Variants in ARHGAP42 observed in about 807,000 individuals in gnomAD.
ARHGAP42 encodes Rho GTPase activating protein 42, also known as rho GTPase-activating protein 42.
ARHGAP42 carries 63 observed loss-of-function variants against 125.0 expected under a neutral mutation model. The observed-to-expected ratio is 0.50, with a 90% CI of 0.41 to 0.62. ARHGAP42 has a LOEUF of 0.62. Among genes scored for constraint, ARHGAP42 ranks in the 20% least tolerant of loss-of-function variants. The probability of loss-of-function intolerance (pLI) is 0.00; values close to 1 mark genes in which losing one functional copy is unlikely to be tolerated. For missense variants in ARHGAP42, 766 were observed against 1,024.2 expected, an observed-to-expected ratio of 0.75 and a Z score of 3.44; for synonymous variants, 339 against 351.0, an observed-to-expected ratio of 0.97 and a Z score of 0.38.
intron 3 of ARHGAP42, chr11:100,840,765 T>A (rs1864927388): frequency 6.6e-6 from 1 of 152,204 alleles, no homozygotes; most frequent in East Asian, 1.9e-4. Flanking sequence ...AATTGTTTCT[T>A]AATAATATAT....
intron 3 of ARHGAP42, among the ~76,000 whole-genome samples, chr11:100,837,404 G>T (rs753269142): frequency 6.6e-6 from 1 of 151,772 alleles, no homozygotes; most frequent in African/African-American, 2.4e-5. Context: ...TTTGTTGTCC[G>T]TAAGGCTAGT....
At chr11:100,905,552 G>A (rs2135219084) in intron 4 of ARHGAP42, among the ~76,000 whole-genome samples, 1 of 152,120 alleles carries the variant, frequency 6.6e-6, no homozygotes, top group East Asian at 1.9e-4. Flanking sequence ...TATAATTATG[G>A]TTCATAGGTG....
At chr11:100,894,904 G>C (rs537528228) in intron 4 of ARHGAP42, among the ~76,000 whole-genome samples, 1 of 152,100 alleles carries the variant, frequency 6.6e-6, no homozygotes, top group Non-Finnish European at 1.5e-5. Flanking sequence ...TATGCATCTG[G>C]GGTCATTTGC....
intron 17 of ARHGAP42, among the ~76,000 whole-genome samples, chr11:100,972,050 T>G (rs182642460): frequency 6.6e-6 from 1 of 152,330 alleles, no homozygotes; most frequent in African/African-American, 2.4e-5. Context: ...AGTAAATGCT[T>G]TCTTAGCTAG....
chr11:100,978,665 A>G (rs1338619865), intron 21 of ARHGAP42, among the ~76,000 whole-genome samples: 1 of 152,210 alleles, frequency 6.6e-6, no homozygotes, highest in African/African-American at 2.4e-5. Context: ...ACAGGAGTCA[A>G]TAGCCGTGCT....
chr11:100,814,022 C>G (rs1024792932), intron 3 of ARHGAP42, among the ~76,000 whole-genome samples: 12 of 152,136 alleles, frequency 7.9e-5, no homozygotes, highest in African/African-American at 2.9e-4. Context: ...GAAATCCTGT[C>G]TGTACTAAAA....
intron 3 of ARHGAP42, among the ~76,000 whole-genome samples, chr11:100,815,708 G>A (rs1359231691): frequency 6.6e-6 from 1 of 152,148 alleles, no homozygotes; most frequent in East Asian, 1.9e-4. Context: ...GAACAGTGGA[G>A]TAGTATTAAG....
At chr11:100,695,655 T>C (rs1282782151) in intron 1 of ARHGAP42, among the ~76,000 whole-genome samples, 3 of 152,170 alleles carry the variant, frequency 2.0e-5, no homozygotes, top group Non-Finnish European at 2.9e-5. Context: ...ACTCCATTCT[T>C]TTTATCTGCA....
rs189713106 is a variant in ARHGAP42, at chr11:100,967,754, G to A, written c.1550+1978G>A. ...TTTTGAGACAGAGTCTCGCTCTGTCGCCAGGCTGGAGTGCAGTGGCGCGAT... is the reference window on the plus strand; with the variant it reads ...TTTTGAGACAGAGTCTCGCTCTGTCACCAGGCTGGAGTGCAGTGGCGCGAT... On this transcript the variant is annotated intron_variant, in intron 17 of 23. Coordinates refer to ENST00000298815, the MANE Select transcript of ARHGAP42 (RefSeq NM_152432.4). 4.6e-3 allele frequency among the ~76,000 whole-genome samples: 705 copies of A among 151,938 alleles called. 6 individuals carry two copies. Among genetic ancestry groups the A allele is most frequent in the South Asian group, 9.4e-3 (45 of 4,806 alleles).
intron 1 of ARHGAP42, among the ~76,000 whole-genome samples, chr11:100,748,187 CA>C (rs1862348897): frequency 6.6e-6 from 1 of 152,232 alleles, no homozygotes; most frequent in East Asian, 1.9e-4. Context: ...AGACCTCGTT[CA>C]GTCCATATTA....
At chr11:100,749,461 C>T (rs1299387181) in intron 1 of ARHGAP42, among the ~76,000 whole-genome samples, 3 of 151,384 alleles carry the variant, frequency 2.0e-5, no homozygotes, top group African/African-American at 2.4e-5. Flanking sequence ...AGGCTAACCC[C>T]TCAAACCAGG....
chr11:100,885,080 C>A (rs1279287300), intron 4 of ARHGAP42, among the ~76,000 whole-genome samples: 1 of 152,124 alleles, frequency 6.6e-6, no homozygotes, highest in Admixed American at 6.5e-5. Flanking sequence ...AATTTGGTCA[C>A]AGATTGGGGA....
chr11:100,716,165 A>T (rs1861657207), intron 1 of ARHGAP42, among the ~76,000 whole-genome samples: 1 of 152,192 alleles, frequency 6.6e-6, no homozygotes, highest in African/African-American at 2.4e-5. Flanking sequence ...CGTAAGCTTC[A>T]TGGGGACTTT....
chr11:100,733,671 A>C (rs597121), intron 1 of ARHGAP42, among the ~76,000 whole-genome samples: 1 of 151,702 alleles, frequency 6.6e-6, no homozygotes, highest in South Asian at 2.1e-4. Flanking sequence ...CTAAAAATAG[A>C]AAAATTTGCT....
intron 1 of ARHGAP42, among the ~76,000 whole-genome samples, chr11:100,729,265 A>G (rs910782476): frequency 5.9e-5 from 9 of 152,114 alleles, no homozygotes; most frequent in African/African-American, 2.2e-4. Flanking sequence ...CATACTGAGT[A>G]GATATAAACC....
intron 2 of ARHGAP42, among the ~76,000 whole-genome samples, chr11:100,776,037 T>C (rs1863111750): frequency 6.6e-6 from 1 of 151,952 alleles, no homozygotes; most frequent in South Asian, 2.1e-4. Flanking sequence ...TGAATGCCTG[T>C]AATCCCAGCT....
At chr11:100,856,407 G>GT (rs1453326927) in intron 3 of ARHGAP42, among the ~76,000 whole-genome samples, 2 of 152,080 alleles carry the variant, frequency 1.3e-5, no homozygotes, top group Non-Finnish European at 2.9e-5. Flanking sequence ...TGACCACTGT[G>GT]TAGGGATAAA....
At chr11:100,920,488 A>G (rs1867207481) in intron 5 of ARHGAP42, among the ~76,000 whole-genome samples, 1 of 151,990 alleles carries the variant, frequency 6.6e-6, no homozygotes, top group South Asian at 2.1e-4. Context: ...TTCTATCCCC[A>G]AATTGGTGTC....
chr11:100,773,722 A>C (rs180824894), intron 2 of ARHGAP42, among the ~76,000 whole-genome samples: 53 of 152,260 alleles, frequency 3.5e-4, no homozygotes, highest in Non-Finnish European at 6.0e-4. Context: ...GACTCTTTCC[A>C]CTTTGGCTAA....
Sources: gnomAD v4.1 joint callset for allele counts (sites outside exome capture counted in the v4.1 genomes callset) on GRCh38, gnomAD v4.1.1 for gene constraint, MANE v1.5 for transcripts, NCBI Gene and HGNC (gene_info 2026-07-23, HGNC 2026-07-21) for gene names.